Variants in FBXL13 observed in about 807,000 individuals in gnomAD.
FBXL13 encodes F-box and leucine-rich repeat protein 13.
FBXL13 carries 67 observed loss-of-function variants against 83.6 expected under a neutral mutation model. That is an observed-to-expected ratio of 0.80 (90% CI 0.66 to 0.98). The LOEUF is 0.98. Among genes scored for constraint, FBXL13 ranks in the 50% least tolerant of loss-of-function variants. FBXL13 has a pLI of 0.00. For missense variants in FBXL13, 822 were observed against 866.5 expected (o/e 0.95, Z 0.64); for synonymous variants, 272 against 299.5 (o/e 0.91, Z 0.95).
intron 6 of FBXL13, chr7:102,976,177 C>A (rs1243341184): frequency 1.3e-6 from 1 of 765,884 alleles, no homozygotes; most frequent in Non-Finnish European, 2.4e-6. Flanking sequence ...GGAACAGACA[C>A]CCCAGCAACT....
At chr7:102,977,406 A>G (rs1389012550) in intron 6 of FBXL13, among the ~76,000 whole-genome samples, 1 of 152,360 alleles carries the variant, frequency 6.6e-6, no homozygotes, top group East Asian at 1.9e-4. Context: ...TTGTCTTAAC[A>G]TAGACAATAA....
At chr7:102,917,877 G>T (rs897714284) in intron 10 of FBXL13, among the ~76,000 whole-genome samples, 5 of 152,088 alleles carry the variant, frequency 3.3e-5, no homozygotes, top group Non-Finnish European at 7.3e-5. Context: ...GTTTAGTTCC[G>T]GAAACATTTA....
At chr7:102,889,070 T>C (rs779192437) in intron 11 of FBXL13, among the ~76,000 whole-genome samples, 1 of 152,238 alleles carries the variant, frequency 6.6e-6, no homozygotes. Context: ...TTTCCTGTTA[T>C]TGTTCTTCTG....
At position 102,932,011 on chromosome 7, in the gene FBXL13, G is replaced by A. The variant is rs570291729; in HGVS notation, c.725-78C>T. ...AAAGTTTTTCTATCTTACATTGAAT[G>A]CAATGTATTCATTAGAAAACAAACA... On this transcript the variant is annotated intron_variant, in intron 8 of 19. Transcript: ENST00000313221. The A allele has an allele frequency of 2.2e-5, 28 of 1,259,570 alleles. No individual in the cohort carries two copies. In the South Asian group the frequency reaches 3.4e-4, roughly 15 times the overall value. 78.0% of individuals were successfully genotyped at this position (1,259,570 alleles called of 1,614,324 possible). A position where few individuals can be genotyped will look rare whatever the true frequency, so the allele number is the denominator to read the frequency against.
At chr7:102,967,653 C>T (rs1408609933) in intron 7 of FBXL13, among the ~76,000 whole-genome samples, 1 of 152,204 alleles carries the variant, frequency 6.6e-6, no homozygotes, top group Non-Finnish European at 1.5e-5. Flanking sequence ...ACACCCTAAA[C>T]ATCTTTCCCA....
intron 2 of FBXL13, among the ~76,000 whole-genome samples, chr7:103,035,956 G>A (rs1795024291): frequency 6.6e-6 from 1 of 152,132 alleles, no homozygotes; most frequent in South Asian, 2.1e-4. Context: ...ACTGGTACAG[G>A]TCCATGGCCT....
At chr7:102,865,416 T>TTTTTGAG (rs1462356281) in intron 16 of FBXL13, among the ~76,000 whole-genome samples, 7 of 152,182 alleles carry the variant, frequency 4.6e-5, no homozygotes, top group African/African-American at 1.7e-4. Flanking sequence ...TCTCGAAAAT[T>TTTTTGAG]TCTCTTCATC....
At chr7:102,927,472 T>A (rs1396823801) in intron 9 of FBXL13, among the ~76,000 whole-genome samples, 20 of 152,070 alleles carry the variant, frequency 1.3e-4, no homozygotes, top group Admixed American at 1.1e-3. Context: ...ATCATTGAGG[T>A]TTAACATTCC....
At chr7:103,055,402 A>G (rs888153698) in intron 2 of FBXL13, among the ~76,000 whole-genome samples, 1 of 152,110 alleles carries the variant, frequency 6.6e-6, no homozygotes, top group African/African-American at 2.4e-5. Flanking sequence ...CTCTTTCCCA[A>G]CTTGAAATAA....
At chr7:102,987,445 A>T (rs7782078) in intron 6 of FBXL13, among the ~76,000 whole-genome samples, 149,066 of 152,098 alleles carry the variant, frequency 0.98, 73,147 homozygotes, top group East Asian at 1. Flanking sequence ...TTATTTCATT[A>T]GCAAAACAGA....
intron 9 of FBXL13, 27 bp downstream of exon 10, chr7:102,931,854 G>A (rs766431782): frequency 2.5e-6 from 4 of 1,605,570 alleles, no homozygotes; most frequent in South Asian, 1.1e-5. Context: ...TATATAAACA[G>A]CAGTAAAAAT....
At chr7:102,991,289 T>C (rs1225918399) in intron 6 of FBXL13, among the ~76,000 whole-genome samples, 3 of 152,104 alleles carry the variant, frequency 2.0e-5, no homozygotes. Context: ...GAGACAGGGT[T>C]GGACAGGATA....
chr7:102,998,976 T>C (rs552193410), intron 6 of FBXL13, among the ~76,000 whole-genome samples: 1 of 152,266 alleles, frequency 6.6e-6, no homozygotes, highest in African/African-American at 2.4e-5. Context: ...GTGGTGAAAG[T>C]GGGCATCCTT....
At chr7:102,982,094 G>C (rs138205495) in intron 6 of FBXL13, among the ~76,000 whole-genome samples, 4 of 152,098 alleles carry the variant, frequency 2.6e-5, no homozygotes, top group African/African-American at 9.6e-5. Flanking sequence ...ACTTCTCCTT[G>C]ATAGTTAGGG....
intron 11 of FBXL13, among the ~76,000 whole-genome samples, chr7:102,908,844 C>T (rs571780926): frequency 1.3e-5 from 2 of 152,346 alleles, no homozygotes; most frequent in Non-Finnish European, 2.9e-5. Context: ...CTGGGTCAGA[C>T]CTGTAGCTAT....
At chr7:103,001,096 C>T (rs1438557928) in intron 6 of FBXL13, among the ~76,000 whole-genome samples, 1 of 152,024 alleles carries the variant, frequency 6.6e-6, no homozygotes, top group Non-Finnish European at 1.5e-5. Context: ...AGGCACATCC[C>T]ACCACACCCA....
At chr7:102,992,564 TA>T (rs1042805913) in intron 6 of FBXL13, among the ~76,000 whole-genome samples, 3 of 152,214 alleles carry the variant, frequency 2.0e-5, no homozygotes, top group Non-Finnish European at 4.4e-5. Context: ...TTCTGCAATT[TA>T]AAAGTCATGA....
intron 18 of FBXL13, among the ~76,000 whole-genome samples, chr7:102,822,851 T>C (rs922992345): frequency 2.0e-5 from 3 of 152,180 alleles, no homozygotes; most frequent in Non-Finnish European, 4.4e-5. Flanking sequence ...GGCAGGCAGA[T>C]TGCTTGAACC....
chr7:102,818,091 A>G (rs988459801), intron 19 of FBXL13, among the ~76,000 whole-genome samples: 1 of 152,254 alleles, frequency 6.6e-6, no homozygotes, highest in Admixed American at 6.5e-5. Context: ...CTTAGCTCAC[A>G]TTTCCTTCTA....
Sources: gnomAD v4.1 joint callset for allele counts (sites outside exome capture counted in the v4.1 genomes callset) on GRCh38, gnomAD v4.1.1 for gene constraint, MANE v1.5 for transcripts, NCBI Gene and HGNC (gene_info 2026-07-23, HGNC 2026-07-21) for gene names.